The following ADCY2 variants were observed in gnomAD, a reference collection of about 807,000 sequenced individuals.
ADCY2 encodes adenylate cyclase type 2.
In ADCY2, 31 loss-of-function variants were observed where a neutral mutation model predicts 125.2. The ratio of observed to expected loss-of-function variants is 0.25; its 90% confidence interval spans 0.19 to 0.33. The LOEUF is 0.33. ADCY2 is among the 10% of genes least tolerant of loss of function. The pLI is 1.00. For missense variants in ADCY2, 904 were observed against 1,418.2 expected, an observed-to-expected ratio of 0.64 and a Z score of 5.82; for synonymous variants, 512 against 548.4, an observed-to-expected ratio of 0.93 and a Z score of 0.93.
In ADCY2 at chr5:7,654,796, T is replaced by C. The variant is rs539935775; in HGVS notation, c.720+28480T>C. On this transcript the variant is annotated intron_variant, in intron 4 of 24. Coordinates refer to ENST00000338316, the MANE Select transcript of ADCY2 (RefSeq NM_020546.3). ...ATGCGAATGCCCAGAGGAGTGTACA[T>C]GCCCAGGACTGCTGTCAATAGTAAG... Among the ~76,000 whole-genome samples the C allele has an allele frequency of 4.6e-5, 7 of 152,260 alleles. No individual in the cohort carries two copies. In the South Asian group the frequency reaches 1.5e-3, roughly 32 times the overall value.
chr5:7,609,803 G>A (rs16878811), intron 3 of ADCY2, among the ~76,000 whole-genome samples: 24,665 of 152,198 alleles, frequency 0.16, 2,184 homozygotes, highest in South Asian at 0.19. Flanking sequence ...TGAGGAAGCC[G>A]TCCTGGAGAA....
intron 4 of ADCY2, among the ~76,000 whole-genome samples, chr5:7,641,057 T>G (rs957151080): frequency 6.6e-6 from 1 of 152,218 alleles, no homozygotes; most frequent in Non-Finnish European, 1.5e-5. Flanking sequence ...CTGTCTTGCC[T>G]GCCACTCTAT....
intron 3 of ADCY2, among the ~76,000 whole-genome samples, chr5:7,601,544 A>G (rs535847188): frequency 2.0e-5 from 3 of 152,346 alleles, no homozygotes; most frequent in East Asian, 1.9e-4. Context: ...CTAAGCCCCA[A>G]GAGGCAAGCT....
chr5:7,529,984 G>A (rs1734590254), intron 3 of ADCY2, among the ~76,000 whole-genome samples: 1 of 152,202 alleles, frequency 6.6e-6, no homozygotes, highest in Admixed American at 6.5e-5. Context: ...GATCCTGAGG[G>A]CACTCCCTAA....
chr5:7,397,349 C>A (rs530860978), intron 1 of ADCY2, among the ~76,000 whole-genome samples: 1 of 151,586 alleles, frequency 6.6e-6, no homozygotes, highest in East Asian at 2.0e-4. Context: ...GCGATAACTT[C>A]CTGTTACTGA....
At chr5:7,526,560 A>T (rs1734469869) in intron 3 of ADCY2, among the ~76,000 whole-genome samples, 1 of 152,230 alleles carries the variant, frequency 6.6e-6, no homozygotes, top group Non-Finnish European at 1.5e-5. Flanking sequence ...GTAAACAAGT[A>T]TCGAAATATC....
chr5:7,825,008 A>G (rs1745421366), intron 24 of ADCY2, among the ~76,000 whole-genome samples: 1 of 152,208 alleles, frequency 6.6e-6, no homozygotes, highest in South Asian at 2.1e-4. Context: ...ATTGTGCCAT[A>G]ACACCCCTGT....
chr5:7,627,083 C>T (rs562238537), intron 4 of ADCY2, among the ~76,000 whole-genome samples: 1 of 152,190 alleles, frequency 6.6e-6, no homozygotes, highest in South Asian at 2.1e-4. Flanking sequence ...GTACGAGCCT[C>T]CCCCTCATCG....
intron 1 of ADCY2, among the ~76,000 whole-genome samples, chr5:7,403,879 G>A (rs929147637): frequency 6.7e-6 from 1 of 149,906 alleles, no homozygotes; most frequent in Admixed American, 6.7e-5. Context: ...GCTGGTTATG[G>A]GCTGTTCTGC....
At chr5:7,459,135 C>T (rs993545979) in intron 2 of ADCY2, among the ~76,000 whole-genome samples, 8 of 152,224 alleles carry the variant, frequency 5.3e-5, no homozygotes, top group East Asian at 1.9e-4. Flanking sequence ...CCCCATGGAC[C>T]GGGAGTTCCT....
rs985758105 is a variant in ADCY2, at chr5:7,412,000, A to G, written c.211-2573A>G. Among the ~76,000 whole-genome samples, 39 of 151,094 alleles carry G rather than the reference A, an allele frequency of 2.6e-4. No homozygotes were observed. In the South Asian group the frequency reaches 3.4e-3, roughly 13 times the overall value. On this transcript the variant is annotated intron_variant, in intron 1 of 24. Transcript: ENST00000338316. Reference sequence around the variant, plus strand: ...TGAGGCAGGAGAATGGCGTGAACCCAGGAGGCGGAGCTTGCAGTGAGCCGA... The same window carrying G: ...TGAGGCAGGAGAATGGCGTGAACCCGGGAGGCGGAGCTTGCAGTGAGCCGA...
chr5:7,529,503 G>A (rs934293174), intron 3 of ADCY2, among the ~76,000 whole-genome samples: 1 of 152,098 alleles, frequency 6.6e-6, no homozygotes, highest in Non-Finnish European at 1.5e-5. Context: ...CCAGACTCTG[G>A]GCTAGTTATT....
rs185090185 is a variant in ADCY2, at chr5:7,588,535, C to T, written c.571-37632C>T. Among the ~76,000 whole-genome samples the T allele has an allele frequency of 4.2e-3, 646 of 152,258 alleles. 3 individuals are homozygous for T. The highest frequency in any genetic ancestry group is 0.015 in the African/African-American group (611 of 41,556). On this transcript the variant is annotated intron_variant, in intron 3 of 24. Transcript: ENST00000338316. ...GGATAGATCAATGGACTGTTGCCAC[C>T]GATGGCAAGCTTTTTCTGTAAAGGC...
intron 2 of ADCY2, 137 bp from the exon 3 acceptor site, chr5:7,520,601 C>T: frequency 1.1e-6 from 1 of 890,780 alleles, no homozygotes; most frequent in Non-Finnish European, 1.7e-6. Context: ...CATCGACTGC[C>T]CTATTTTGTC....
At chr5:7,443,491 T>A (rs964413069) in intron 2 of ADCY2, among the ~76,000 whole-genome samples, 1 of 151,288 alleles carries the variant, frequency 6.6e-6, no homozygotes, top group Non-Finnish European at 1.5e-5. Context: ...ATACAAAAAA[T>A]TAGCTGGGCG....
intron 19 of ADCY2, among the ~76,000 whole-genome samples, chr5:7,787,111 C>T (rs893289517): frequency 3.3e-5 from 5 of 152,122 alleles, no homozygotes; most frequent in African/African-American, 9.7e-5. Context: ...TGTAGAGTAG[C>T]CCCAGGCAGA....
intron 2 of ADCY2, among the ~76,000 whole-genome samples, chr5:7,449,804 G>A (rs998643289): frequency 1.3e-5 from 2 of 152,176 alleles, no homozygotes; most frequent in Non-Finnish European, 2.9e-5. Flanking sequence ...CCAACAACCT[G>A]TGCTCACTTA....
chr5:7,743,645 T>A (rs1235225783), intron 14 of ADCY2, 23 bp from the exon 15 acceptor site: 2 of 1,609,066 alleles, frequency 1.2e-6, no homozygotes, highest in East Asian at 4.5e-5. Flanking sequence ...CACCCTGACT[T>A]GCTGCTTTTT....
chr5:7,464,667 A>G (rs1011579981), intron 2 of ADCY2, among the ~76,000 whole-genome samples: 2 of 152,172 alleles, frequency 1.3e-5, no homozygotes, highest in African/African-American at 4.8e-5. Context: ...TATGCAGTCA[A>G]AAAAGTAGCT....
Sources: gnomAD v4.1 joint callset for allele counts (sites outside exome capture counted in the v4.1 genomes callset) on GRCh38, gnomAD v4.1.1 for gene constraint, MANE v1.5 for transcripts, NCBI Gene and HGNC (gene_info 2026-07-23, HGNC 2026-07-21) for gene names.